Variants in CNTN5 observed in about 807,000 individuals in gnomAD.
The protein encoded by CNTN5 is contactin-5.
In CNTN5, 77 loss-of-function variants were observed where a neutral mutation model predicts 129.1. The ratio of observed to expected loss-of-function variants is 0.60; its 90% CI spans 0.50 to 0.72. The LOEUF (loss-of-function observed/expected upper bound fraction) is 0.72. CNTN5 is among the 30% of genes least tolerant of loss of function. The pLI is 0.00. For missense variants in CNTN5, 1,478 were observed against 1,328.8 expected (o/e 1.11, Z -1.75); for synonymous variants, 509 against 465.6 (o/e 1.09, Z -1.20).
chr11:99,230,404 T>G (rs2135726908), intron 1 of CNTN5, among the ~76,000 whole-genome samples: 1 of 152,044 alleles, frequency 6.6e-6, no homozygotes, highest in South Asian at 2.1e-4. Context: ...ATGACAAATT[T>G]ACATATTTTC....
chr11:100,303,681 A>G (rs1951283038), intron 20 of CNTN5, among the ~76,000 whole-genome samples: 2 of 151,658 alleles, frequency 1.3e-5, no homozygotes, highest in African/African-American at 2.4e-5. Context: ...TTTGCAGAAT[A>G]TAATAGACAA....
chr11:99,250,467 A>G lies in CNTN5; in HGVS notation c.-209-74879A>G, dbSNP rs558206886. 4.6e-5 allele frequency among the ~76,000 whole-genome samples: 7 copies of G among 152,090 alleles called. No homozygotes were observed. In the South Asian group the frequency reaches 1.0e-3, roughly 23 times the overall value. On this transcript the variant is annotated intron_variant, in intron 1 of 24. Coordinates refer to ENST00000524871, the MANE Select transcript of CNTN5 (RefSeq NM_014361.4). ...GATAAATTTAAAATATCATTGGGAAAGCCTCTTGGTATGTTTGACAGTAGT... is the reference window on the plus strand; with the variant it reads ...GATAAATTTAAAATATCATTGGGAAGGCCTCTTGGTATGTTTGACAGTAGT...
intron 6 of CNTN5, among the ~76,000 whole-genome samples, chr11:99,906,083 A>G (rs1005380668): frequency 4.6e-5 from 7 of 152,280 alleles, no homozygotes; most frequent in Non-Finnish European, 1.0e-4. Context: ...TCCTGCAAAC[A>G]GAGACAATTT....
At chr11:99,418,761 G>A (rs1018329343) in intron 2 of CNTN5, among the ~76,000 whole-genome samples, 2 of 152,094 alleles carry the variant, frequency 1.3e-5, no homozygotes, top group African/African-American at 2.4e-5. Context: ...ACTCTTGCTA[G>A]TTATTTTTCT....
intron 13 of CNTN5, among the ~76,000 whole-genome samples, chr11:100,105,149 T>G (rs1422451275): frequency 6.6e-6 from 1 of 152,200 alleles, no homozygotes; most frequent in African/African-American, 2.4e-5. Context: ...TCAAAGCGAT[T>G]ACTTGAAGCA....
At chr11:99,330,398 CCTAT>C (rs1865953388) in intron 2 of CNTN5, among the ~76,000 whole-genome samples, 1 of 152,018 alleles carries the variant, frequency 6.6e-6, no homozygotes, top group East Asian at 1.9e-4. Flanking sequence ...ATGATACATT[CCTAT>C]CTATCTGTCA....
At chr11:99,149,321 A>G (rs1434486905) in intron 1 of CNTN5, among the ~76,000 whole-genome samples, 1 of 152,148 alleles carries the variant, frequency 6.6e-6, no homozygotes, top group Non-Finnish European at 1.5e-5. Context: ...AAAGAAGGCA[A>G]ATGAGAAAAG....
intron 13 of CNTN5, among the ~76,000 whole-genome samples, chr11:100,179,812 AT>A (rs1228217766): frequency 2.0e-5 from 3 of 152,244 alleles, no homozygotes; most frequent in African/African-American, 7.2e-5. Context: ...GGAAATTTAT[AT>A]TTTATAATTA....
At chr11:99,451,543 T>G (rs971712379) in intron 2 of CNTN5, among the ~76,000 whole-genome samples, 41 of 152,300 alleles carry the variant, frequency 2.7e-4, no homozygotes, top group African/African-American at 9.4e-4. Flanking sequence ...AAATGAGATT[T>G]GATGAGTGAC....
chr11:100,144,526 C>T (rs975312760), intron 13 of CNTN5, among the ~76,000 whole-genome samples: 1 of 152,094 alleles, frequency 6.6e-6, no homozygotes, highest in African/African-American at 2.4e-5. Context: ...GTTAAACAGA[C>T]TTAGACCTTC....
intron 7 of CNTN5, among the ~76,000 whole-genome samples, chr11:99,931,739 A>G (rs1950197299): frequency 6.6e-6 from 1 of 152,224 alleles, no homozygotes; most frequent in Non-Finnish European, 1.5e-5. Flanking sequence ...AAATGCAGAC[A>G]AGTTAGTGTG....
chr11:99,929,705 A>T (rs1403167195), intron 7 of CNTN5, among the ~76,000 whole-genome samples: 1 of 152,170 alleles, frequency 6.6e-6, no homozygotes, highest in Non-Finnish European at 1.5e-5. Context: ...TGCCCCCGTG[A>T]TTAAATTATC....
intron 3 of CNTN5, among the ~76,000 whole-genome samples, chr11:99,738,920 A>G (rs1368317474): frequency 6.6e-6 from 1 of 152,166 alleles, no homozygotes; most frequent in Non-Finnish European, 1.5e-5. Context: ...CGCTTGTTAT[A>G]CTTATGAGAA....
At chr11:99,790,865 A>G (rs1055616288) in intron 3 of CNTN5, among the ~76,000 whole-genome samples, 2 of 151,866 alleles carry the variant, frequency 1.3e-5, no homozygotes, top group African/African-American at 4.8e-5. Context: ...TGCCATTTTG[A>G]CTGTTGTCTT....
intron 1 of CNTN5, among the ~76,000 whole-genome samples, chr11:99,109,478 C>T (rs563011820): frequency 6.6e-6 from 1 of 152,118 alleles, no homozygotes; most frequent in South Asian, 2.1e-4. Context: ...AAGGGACTTT[C>T]CAAGGTCACA....
At chr11:99,839,919 G>T (rs1400383956) in intron 4 of CNTN5, among the ~76,000 whole-genome samples, 1 of 151,782 alleles carries the variant, frequency 6.6e-6, no homozygotes, top group Non-Finnish European at 1.5e-5. Context: ...GAGGGGAATA[G>T]AGCAAATGAG....
intron 3 of CNTN5, among the ~76,000 whole-genome samples, chr11:99,792,643 T>G (rs1166844556): frequency 6.7e-6 from 1 of 150,370 alleles, no homozygotes; most frequent in African/African-American, 2.5e-5. Flanking sequence ...TGGAATGAGG[T>G]AGGAGGGAGT....
intron 13 of CNTN5, among the ~76,000 whole-genome samples, chr11:100,076,408 TA>T (rs1399889532): frequency 1.3e-5 from 2 of 152,146 alleles, no homozygotes; most frequent in African/African-American, 2.4e-5. Context: ...GAACCTCTTT[TA>T]CCAAAGCAAA....
chr11:99,759,417 C>T (rs76742233), intron 3 of CNTN5, among the ~76,000 whole-genome samples: 9,521 of 151,914 alleles, frequency 0.063, 475 homozygotes, highest in African/African-American at 0.13. Flanking sequence ...TCTGCTGAAA[C>T]AAATCTATAT....
Sources: allele counts gnomAD v4.1 joint callset (sites outside exome capture counted in the v4.1 genomes callset), GRCh38; gene constraint gnomAD v4.1.1; transcripts MANE v1.5; gene names NCBI Gene and HGNC (gene_info 2026-07-23, HGNC 2026-07-21).